CLSTN1: variants seen among roughly 807,000 people sequenced by gnomAD.
The protein encoded by CLSTN1 is calsyntenin 1, also known as calsyntenin-1.
CLSTN1 carries 28 observed loss-of-function variants against 108.3 expected under a neutral mutation model. The observed-to-expected ratio is 0.26, with a 90% CI of 0.19 to 0.35. CLSTN1 has a LOEUF of 0.35. CLSTN1 is among the 10% of genes least tolerant of loss of function. The pLI is 1.00. For synonymous variants in CLSTN1, 524 were observed against 534.9 expected, an observed-to-expected ratio of 0.98 and a Z score of 0.28; for missense variants, 1,157 against 1,302.6, an observed-to-expected ratio of 0.89 and a Z score of 1.72.
At chr1:9,777,155 G>A (rs111521549) in intron 1 of CLSTN1, among the ~76,000 whole-genome samples, 14,143 of 150,756 alleles carry the variant, frequency 0.094, 855 homozygotes, top group Non-Finnish European at 0.15. Flanking sequence ...GGGAGGTGCA[G>A]GTTGCAGTGA....
chr1:9,731,411 G>T, intron 17 of CLSTN1, 21 bp from the exon 18 acceptor site: 1 of 1,611,104 alleles, frequency 6.2e-7, no homozygotes, highest in South Asian at 1.1e-5. Flanking sequence ...ATGAGGGGGC[G>T]GGATGCGAGG....
chr1:9,779,601 T>G (rs1240782858), intron 1 of CLSTN1, among the ~76,000 whole-genome samples: 1 of 152,082 alleles, frequency 6.6e-6, no homozygotes, highest in Non-Finnish European at 1.5e-5. Flanking sequence ...AAAAAAAAGT[T>G]TTTTTAGTTG....
At chr1:9,780,418 A>T (rs1653187482) in intron 1 of CLSTN1, among the ~76,000 whole-genome samples, 1 of 152,182 alleles carries the variant, frequency 6.6e-6, no homozygotes, top group Non-Finnish European at 1.5e-5. Context: ...GATGAGTAGT[A>T]ACGTAAAATG....
intron 4 of CLSTN1, among the ~76,000 whole-genome samples, chr1:9,753,462 C>T (rs565524759): frequency 2.6e-5 from 4 of 151,782 alleles, no homozygotes; most frequent in African/African-American, 9.7e-5. Flanking sequence ...ATTGTGGCAG[C>T]GAGCCAGCCT....
In CLSTN1 at chr1:9,731,376, C is replaced by T. The variant is rs1312705742; in HGVS notation, c.2578G>A (p.Ala860Thr). The T allele has an allele frequency of 6.2e-7, 1 of 1,614,054 alleles. No individual in the cohort carries two copies. The highest frequency in any genetic ancestry group is 8.5e-7 in the Non-Finnish European group (1 of 1,180,018). ...PHPFAVVPSTATVVIVVCVSF... is the reference protein window; with the variant it reads ...PHPFAVVPSTTTVVIVVCVSF... ...ACGCACACCACGATCACAACTGTCG[C>T]AGTGCTGGGGACGACTGTGGGAGAA... The change falls in exon 18 of 19, where the codon GCG (alanine) becomes ACG (threonine). Residue 860 changes from alanine to threonine, a missense_variant. Transcript: ENST00000377298.
chr1:9,785,889 A>C lies in CLSTN1; in HGVS notation c.92-12495T>G, dbSNP rs200622238. 9.9e-4 allele frequency among the ~76,000 whole-genome samples: 150 copies of C among 152,026 alleles called. 2 individuals are homozygous for C. The South Asian group carries it at 0.023, about 24-fold the overall frequency. ...AAGTTAATTTTTAAAATAAAAACACATTAAGGCCGGGCACGGTAGGTCATG... is the reference window on the plus strand; with the variant it reads ...AAGTTAATTTTTAAAATAAAAACACCTTAAGGCCGGGCACGGTAGGTCATG... On this transcript the variant is annotated intron_variant, in intron 1 of 18. Transcript: ENST00000377298.
chr1:9,761,024 T>C (rs1652047371), intron 2 of CLSTN1, among the ~76,000 whole-genome samples: 1 of 151,936 alleles, frequency 6.6e-6, no homozygotes, highest in Non-Finnish European at 1.5e-5. Flanking sequence ...CTGGCTCTGT[T>C]ACGCAAATCT....
At chr1:9,811,322 G>C (rs1319274999) in intron 1 of CLSTN1, among the ~76,000 whole-genome samples, 1 of 152,150 alleles carries the variant, frequency 6.6e-6, no homozygotes, top group African/African-American at 2.4e-5. Flanking sequence ...TCAAGGCTCT[G>C]AATGTTTAGA....
In CLSTN1 at chr1:9,823,552, CGGACCCGAATCCCCGCACCG is replaced by C. The variant is rs1655275335; in HGVS notation, c.91+71_91+90del. 12 of 865,060 alleles carry C rather than the reference CGGACCCGAATCCCCGCACCG, an allele frequency of 1.4e-5. No homozygotes were observed. The highest frequency in any genetic ancestry group is 1.6e-5 in the Non-Finnish European group (11 of 685,676). 53.6% of individuals were successfully genotyped at this position (865,060 alleles called of 1,614,324 possible). On this transcript the variant is annotated intron_variant, in intron 1 of 18. Transcript: ENST00000377298. The surrounding 1 kb of genome is among the most constrained non-coding windows in gnomAD (Gnocchi z 6.3). ...CGGCATCCGGCCCTACTCCCGCACC[CGGACCCGAATCCCCGCACCG>C]GGACCCGAATCCTGCACCCGGACCC...
At chr1:9,757,063 C>A (rs544250509) in intron 2 of CLSTN1, among the ~76,000 whole-genome samples, 1 of 151,668 alleles carries the variant, frequency 6.6e-6, no homozygotes, top group Non-Finnish European at 1.5e-5. Context: ...CAGGAGTGAG[C>A]CCCCGTGCCC....
At position 9,759,659 on chromosome 1, in the gene CLSTN1, C is replaced by T. The variant is rs1157464644; in HGVS notation, c.215-3149G>A. ...GTTTAATGTATGGTCTCTGCTTTCACACTGCAAGGGCAGAGGTTGTTGCAG... is the reference window on the plus strand; with the variant it reads ...GTTTAATGTATGGTCTCTGCTTTCATACTGCAAGGGCAGAGGTTGTTGCAG... On this transcript the variant is annotated intron_variant, in intron 2 of 18. Coordinates refer to ENST00000377298, the MANE Select transcript of CLSTN1 (RefSeq NM_001009566.3). 3.3e-5 allele frequency among the ~76,000 whole-genome samples: 5 copies of T among 152,222 alleles called. No individual in the cohort carries two copies. In the East Asian group the frequency reaches 5.8e-4, roughly 18 times the overall value.
intron 1 of CLSTN1, among the ~76,000 whole-genome samples, chr1:9,798,098 CAAAG>C (rs1654092478): frequency 1.7e-5 from 2 of 119,816 alleles, no homozygotes; most frequent in South Asian, 2.8e-4. Context: ...ACTCTGTCAA[CAAAG>C]AAAGAGAGAG....
intron 1 of CLSTN1, among the ~76,000 whole-genome samples, chr1:9,814,685 A>T (rs1264171919): frequency 6.6e-6 from 1 of 152,214 alleles, no homozygotes; most frequent in Non-Finnish European, 1.5e-5. Context: ...CAAAAAGGGC[A>T]GAATGCTTGA....
rs1402563283 is a variant in CLSTN1 at position 9,823,485 on chromosome 1, C to A, written c.91+158G>T. Among the ~76,000 whole-genome samples, 2 of 152,112 alleles carry A rather than the reference C, an allele frequency of 1.3e-5. No individual in the cohort carries two copies. The highest frequency in any genetic ancestry group is 4.8e-5 in the African/African-American group (2 of 41,442). On this transcript the variant is annotated intron_variant, in intron 1 of 18. Transcript: ENST00000377298. The surrounding 1 kb of genome is among the most constrained non-coding windows in gnomAD (Gnocchi z 6.3). ...CCGAACCCCACGCCCTGACCCGGCT[C>A]CCTGCGCTCGGACCCGACTCCCCGC...
Position 9,773,299 on chromosome 1 carries a change from C to T in CLSTN1, c.187G>A (p.Asp63Asn). Reference sequence around the variant, plus strand: ...GCAAATCGCAGAGGCGCATCTTTATCCAGCGCGATCAGTGGGGGGTCGAGG... The same window carrying T: ...GCAAATCGCAGAGGCGCATCTTTATTCAGCGCGATCAGTGGGGGGTCGAGG... ...VLLDPPLIALDKDAPLRFAES... is the reference protein window; with the variant it reads ...VLLDPPLIALNKDAPLRFAES... The change falls in exon 2 of 19, where the codon GAT becomes AAT. Residue 63 changes from aspartate (D) to asparagine (N), a missense_variant. By Grantham distance (23) the Asp-to-Asn change is conservative (BLOSUM62 1). Coordinates refer to ENST00000377298, the MANE Select transcript of CLSTN1 (RefSeq NM_001009566.3). The T allele has an allele frequency of 6.2e-7, 1 of 1,614,098 alleles. No individual in the cohort carries two copies. Among genetic ancestry groups the T allele is most frequent in the Non-Finnish European group, 8.5e-7 (1 of 1,179,998 alleles).
chr1:9,773,363 G>C lies in CLSTN1; in HGVS notation c.123C>G (p.Thr41=). The C allele has an allele frequency of 6.2e-7, 1 of 1,613,984 alleles. No individual in the cohort carries two copies. The highest frequency in any genetic ancestry group is 8.5e-7 in the Non-Finnish European group (1 of 1,179,936). ...CGTTCTCTGTGACTATGCCGTGGTA[G>C]GTGGGCTCCAGCCAGGGCTTGTGCT... ...VNKHKPWLEP[T]YHGIVTENDN... is the part of the protein sequence containing the mutation. Residue 41 remains threonine, a synonymous_variant, in exon 2 of 19, where the codon ACC becomes ACG. Coordinates refer to ENST00000377298, the MANE Select transcript of CLSTN1 (RefSeq NM_001009566.3).
In CLSTN1 at chr1:9,823,417, T is replaced by C. The variant is rs1466200963; in HGVS notation, c.91+226A>G. On this transcript the variant is annotated intron_variant, in intron 1 of 18. Coordinates refer to ENST00000377298, the MANE Select transcript of CLSTN1 (RefSeq NM_001009566.3). The surrounding 1 kb of genome is among the most constrained non-coding windows in gnomAD (Gnocchi z 6.3). ...GGACGCCTGCAGCGCGCGCCCACAG[T>C]CTCCTGCGCCCTGGCCCCGGCTCCG... is the stretch of plus-strand genomic sequence containing the variant. Among the ~76,000 whole-genome samples, 1 of 151,662 alleles carries C rather than the reference T, an allele frequency of 6.6e-6. No individual in the cohort carries two copies. The highest frequency in any genetic ancestry group is 1.5e-5 in the Non-Finnish European group (1 of 67,866).
At chr1:9,794,180 A>G (rs2119508) in intron 1 of CLSTN1, among the ~76,000 whole-genome samples, 139,380 of 151,374 alleles carry the variant, frequency 0.92, 64,520 homozygotes, top group African/African-American at 0.98. Context: ...ACACGTTTTC[A>G]GAACAGAGCC....
intron 1 of CLSTN1, chr1:9,781,132 T>A (rs542582867): frequency 2.7e-6 from 2 of 744,586 alleles, no homozygotes; most frequent in African/African-American, 3.5e-5. Context: ...CTCCTATTTG[T>A]GTACGGCTTT....
Sources: gnomAD v4.1 joint callset for allele counts (sites outside exome capture counted in the v4.1 genomes callset) on GRCh38, gnomAD v4.1.1 for gene constraint, Gnocchi (gnomAD v3.1) non-coding constraint, MANE v1.5 for transcripts, NCBI Gene and HGNC (gene_info 2026-07-23, HGNC 2026-07-21) for gene names.